Variants in ZNF138 observed in about 807,000 individuals in gnomAD.
ZNF138 encodes zinc finger protein 138 (clone pHZ-32).
In ZNF138, 33 loss-of-function variants were observed where a neutral mutation model predicts 33.0. The observed-to-expected ratio is 1.00, with a 90% CI of 0.76 to 1.34. ZNF138 has a LOEUF of 1.34. Among genes scored for constraint, ZNF138 ranks in the 40% most tolerant of loss-of-function variants. ZNF138 has a pLI of 0.00. For missense variants in ZNF138, 360 were observed against 370.8 expected (o/e 0.97, Z 0.24); for synonymous variants, 139 against 120.4 (o/e 1.15, Z -1.01).
chr7:64,806,756 A>C (rs1787632931), intron 1 of ZNF138, among the ~76,000 whole-genome samples: 2 of 152,238 alleles, frequency 1.3e-5, no homozygotes, highest in Admixed American at 1.3e-4. Context: ...CACACTGGAC[A>C]CTATAACCCA....
At chr7:64,824,491 A>G (rs553001927) in intron 3 of ZNF138, among the ~76,000 whole-genome samples, 3 of 152,208 alleles carry the variant, frequency 2.0e-5, no homozygotes, top group Admixed American at 1.3e-4. Flanking sequence ...AATGTTGTCT[A>G]AGTTTTCTGT....
chr7:64,802,144 C>CAG (rs2128986853), intron 1 of ZNF138, among the ~76,000 whole-genome samples: 1 of 152,314 alleles, frequency 6.6e-6, no homozygotes, highest in Admixed American at 6.5e-5. Flanking sequence ...CAGAACAACT[C>CAG]AAAGTGGCGG....
At chr7:64,823,454 G>C (rs1789328236) in intron 3 of ZNF138, among the ~76,000 whole-genome samples, 1 of 152,036 alleles carries the variant, frequency 6.6e-6, no homozygotes, top group African/African-American at 2.4e-5. Context: ...TTCAACCTCA[G>C]CCTCCTGAGT....
intron 3 of ZNF138, among the ~76,000 whole-genome samples, chr7:64,828,181 G>GTT (rs1427086661): frequency 1.5e-4 from 1 of 6,556 alleles, no homozygotes; most frequent in Non-Finnish European, 8.9e-4. Flanking sequence ...TCATAATTCT[G>GTT]GTTTTTTTTT....
chr7:64,800,706 TGAAG>T (rs1787071538), intron 1 of ZNF138, among the ~76,000 whole-genome samples: 1 of 152,216 alleles, frequency 6.6e-6, no homozygotes, highest in Non-Finnish European at 1.5e-5. Flanking sequence ...CCTAATGAGT[TGAAG>T]GAGGGAGTGT....
At chr7:64,859,432 T>A in the ZNF138 span, among the ~76,000 whole-genome samples, 1 of 152,216 alleles carries the variant, frequency 6.6e-6, no homozygotes, top group African/African-American at 2.4e-5. Context: ...AGGCAGTGAC[T>A]CAAACAATTC....
chr7:64,841,556 G>T, the ZNF138 span, among the ~76,000 whole-genome samples: 1 of 152,228 alleles, frequency 6.6e-6, no homozygotes, highest in African/African-American at 2.4e-5. Context: ...TTCCCGTGGA[G>T]ATAACAATTG....
At chr7:64,858,192 A>G in the ZNF138 span, among the ~76,000 whole-genome samples, 1 of 152,206 alleles carries the variant, frequency 6.6e-6, no homozygotes, top group African/African-American at 2.4e-5. Context: ...TGAAAAATCT[A>G]CACTTTTCTT....
chr7:64,810,951 C>A (rs557260027), intron 1 of ZNF138, among the ~76,000 whole-genome samples: 1 of 152,110 alleles, frequency 6.6e-6, no homozygotes, highest in Non-Finnish European at 1.5e-5. Flanking sequence ...TTTATTAAAA[C>A]CAGTGCTTGC....
chr7:64,848,704 ATTTTT>A, the ZNF138 span, among the ~76,000 whole-genome samples: 7 of 102,616 alleles, frequency 6.8e-5, no homozygotes, highest in African/African-American at 2.6e-4. Flanking sequence ...ATTTTGGTGG[ATTTTT>A]TTTTTTTTTT....
intron 1 of ZNF138, among the ~76,000 whole-genome samples, chr7:64,814,658 C>T (rs1449686053): frequency 2.0e-5 from 3 of 151,960 alleles, no homozygotes; most frequent in East Asian, 1.9e-4. Flanking sequence ...CCCAGCTACT[C>T]GGGATGCTGA....
At chr7:64,851,157 A>G in the ZNF138 span, among the ~76,000 whole-genome samples, 5 of 152,156 alleles carry the variant, frequency 3.3e-5, no homozygotes, top group South Asian at 2.1e-4. Flanking sequence ...ATTGTTTACT[A>G]TAGTCACCCT....
Position 64,832,077 on chromosome 7 carries a change from T to C in ZNF138, c.835T>C (p.Tyr279His). Reference protein sequence around the residue: ...HKIIHTEEKPYKCEQCGKVFK... With the variant: ...HKIIHTEEKPHKCEQCGKVFK... The stretch of plus-strand genomic sequence containing the variant: ...GATAATTCATACTGAAGAGAAACCC[T>C]ACAAATGTGAACAATGTGGCAAGGT... The change falls in exon 4 of 4, where the codon TAC (tyrosine) becomes CAC (histidine). Residue 279 changes from tyrosine (Y) to histidine (H), a missense_variant. Coordinates refer to ENST00000307355, the MANE Select transcript of ZNF138 (RefSeq NM_001271639.2). The C allele has an allele frequency of 6.2e-7, 1 of 1,613,788 alleles. No individual in the cohort carries two copies. The highest frequency in any genetic ancestry group is 2.2e-5 in the East Asian group (1 of 44,860).
chr7:64,816,230 T>C (rs1788622194), intron 3 of ZNF138, among the ~76,000 whole-genome samples: 1 of 152,176 alleles, frequency 6.6e-6, no homozygotes, highest in South Asian at 2.1e-4. Flanking sequence ...TTTTTATTAC[T>C]GTGACAAAAA....
the ZNF138 span, chr7:64,853,317 T>G: frequency 6.2e-7 from 1 of 1,609,122 alleles, no homozygotes; most frequent in Non-Finnish European, 8.5e-7. Flanking sequence ...TTTGTCCAAT[T>G]CGTAACTTTC....
intron 1 of ZNF138, among the ~76,000 whole-genome samples, chr7:64,809,786 C>T (rs1287865724): frequency 1.4e-4 from 19 of 138,016 alleles, no homozygotes; most frequent in East Asian, 2.3e-4. Flanking sequence ...GACGGGGTCG[C>T]GGCCGGGCAG....
At chr7:64,852,328 A>T in the ZNF138 span, 2 of 1,067,472 alleles carry the variant, frequency 1.9e-6, no homozygotes, top group Non-Finnish European at 2.8e-6. Context: ...ATAGTCTTTA[A>T]TTGAAGCGAT....
intron 1 of ZNF138, among the ~76,000 whole-genome samples, chr7:64,804,125 C>G (rs1291195736): frequency 6.6e-6 from 1 of 152,148 alleles, no homozygotes; most frequent in African/African-American, 2.4e-5. Context: ...ATTTCTGCCT[C>G]CAAAGAAAGA....
downstream of ZNF138, among the ~76,000 whole-genome samples, chr7:64,837,295 G>A (rs969659931): frequency 7.2e-5 from 11 of 152,070 alleles, no homozygotes; most frequent in Non-Finnish European, 1.3e-4. Context: ...GCCTTTCCAC[G>A]GGGGGAGAGA....
Sources: gnomAD v4.1 joint callset for allele counts (sites outside exome capture counted in the v4.1 genomes callset) on GRCh38, gnomAD v4.1.1 for gene constraint, MANE v1.5 for transcripts, NCBI Gene and HGNC (gene_info 2026-07-23, HGNC 2026-07-21) for gene names.